PRKN: variants seen among roughly 807,000 people sequenced by gnomAD.
PRKN encodes the protein E3 ubiquitin-protein ligase parkin.
In PRKN, 56 loss-of-function variants were observed where a neutral mutation model predicts 59.5. The ratio of observed to expected loss-of-function variants is 0.94; its 90% confidence interval spans 0.76 to 1.18. The LOEUF is 1.18. Among genes scored for constraint, PRKN ranks in the 50% most tolerant of loss-of-function variants. The pLI is 0.00. For synonymous variants in PRKN, 250 were observed against 222.1 expected (o/e 1.13, Z -1.12); for missense variants, 657 against 596.4 (o/e 1.10, Z -1.06).
chr6:162,149,843 AATGATACTG>A (rs1782189059), intron 4 of PRKN, among the ~76,000 whole-genome samples: 1 of 152,194 alleles, frequency 6.6e-6, no homozygotes, highest in Non-Finnish European at 1.5e-5. Flanking sequence ...GTCTTCAGGA[AATGATACTG>A]ATGAAGCAAG....
intron 7 of PRKN, among the ~76,000 whole-genome samples, chr6:161,747,742 G>A (rs1384781772): frequency 6.6e-6 from 1 of 152,120 alleles, no homozygotes; most frequent in East Asian, 1.9e-4. Flanking sequence ...GTGTTAGCAG[G>A]GGATTGAGGA....
Position 162,054,119 on chromosome 6 carries a change from T to C in PRKN, c.590A>G (p.Gln197Arg), listed in dbSNP as rs1777760674. Residue 197 changes from glutamine (Q) to arginine (R), a missense_variant, in exon 5 of 12, where the codon CAA (glutamine) becomes CGA (arginine). Gln to Arg is a conservative substitution (Grantham distance 43). Transcript: ENST00000366898. ...ACTAGTCCCAGGGCAGTGTGGGGAT[T>C]GGCATTCACCACTCATCCGGTTTGG... The part of the protein sequence containing the change: ...LIPNRMSGEC[Q>R]SPHCPGTSAE... The C allele has an allele frequency of 6.2e-7, 1 of 1,613,322 alleles. No homozygotes were observed. The highest frequency in any genetic ancestry group is 1.3e-5 in the African/African-American group (1 of 75,014).
intron 7 of PRKN, among the ~76,000 whole-genome samples, chr6:161,746,847 T>A (rs1421976522): frequency 6.7e-6 from 1 of 149,428 alleles, no homozygotes; most frequent in Non-Finnish European, 1.5e-5. Context: ...TATATCTATA[T>A]GTATGTATCT....
intron 6 of PRKN, among the ~76,000 whole-genome samples, chr6:161,915,304 T>C (rs1778513343): frequency 6.6e-6 from 1 of 152,058 alleles, no homozygotes; most frequent in African/African-American, 2.4e-5. Context: ...TAAAATAAGA[T>C]GTTCTTTTCA....
intron 7 of PRKN, among the ~76,000 whole-genome samples, chr6:161,730,930 T>A (rs539160179): frequency 2.0e-4 from 31 of 152,318 alleles, no homozygotes; most frequent in African/African-American, 7.2e-4. Context: ...CATTCTGACG[T>A]GTTGCATTCT....
chr6:162,180,196 C>A (rs1029406095), intron 4 of PRKN, among the ~76,000 whole-genome samples: 1 of 152,094 alleles, frequency 6.6e-6, no homozygotes, highest in South Asian at 2.1e-4. Flanking sequence ...TTACTATGAT[C>A]AGCCTGTTTT....
At chr6:161,735,018 CA>C (rs111861396) in intron 7 of PRKN, among the ~76,000 whole-genome samples, 6,500 of 97,756 alleles carry the variant, frequency 0.066, 148 homozygotes, top group African/African-American at 0.12. Context: ...TATAAACAAG[CA>C]AAAAAAAAAA....
intron 1 of PRKN, among the ~76,000 whole-genome samples, chr6:162,534,633 A>G (rs1306938473): frequency 6.6e-6 from 1 of 152,168 alleles, no homozygotes; most frequent in Non-Finnish European, 1.5e-5. Flanking sequence ...TAGTCTACAC[A>G]TACATTTATA....
At chr6:162,377,680 C>T (rs1786191585) in intron 2 of PRKN, among the ~76,000 whole-genome samples, 1 of 152,170 alleles carries the variant, frequency 6.6e-6, no homozygotes, top group South Asian at 2.1e-4. Flanking sequence ...ACAGAAGGGG[C>T]TGCCAGCACT....
intron 6 of PRKN, among the ~76,000 whole-genome samples, chr6:161,839,708 G>A (rs745918363): frequency 1.3e-5 from 2 of 152,106 alleles, no homozygotes; most frequent in Non-Finnish European, 2.9e-5. Flanking sequence ...AAGCCTTCTG[G>A]GATTCAGAGG....
At position 161,491,620 on chromosome 6, in the gene PRKN, A is replaced by C. The variant is rs1489327280; in HGVS notation, c.1083+57234T>G. On this transcript the variant is annotated intron_variant, in intron 9 of 11. Transcript: ENST00000366898. ...ATTTGCTCCTGGAACTTTGTACGGG[A>C]AAGTGACTTAACTTCCTTTTTTTTT... Among the ~76,000 whole-genome samples, 3 of 148,094 alleles carry C rather than the reference A, an allele frequency of 2.0e-5. No homozygotes were observed. In the East Asian group the frequency reaches 6.0e-4, roughly 30 times the overall value.
At chr6:162,659,355 G>A (rs1778794105) in intron 1 of PRKN, among the ~76,000 whole-genome samples, 1 of 151,816 alleles carries the variant, frequency 6.6e-6, no homozygotes, top group Non-Finnish European at 1.5e-5. Flanking sequence ...TTTCTATATT[G>A]CCTCTGAAAA....
chr6:161,619,837 A>G (rs1782827415), intron 7 of PRKN, among the ~76,000 whole-genome samples: 2 of 152,146 alleles, frequency 1.3e-5, no homozygotes, highest in African/African-American at 4.8e-5. Context: ...GTATCTCAAT[A>G]ATTTTTACAT....
intron 7 of PRKN, among the ~76,000 whole-genome samples, chr6:161,723,211 G>C (rs1787299078): frequency 6.6e-6 from 1 of 151,632 alleles, no homozygotes; most frequent in Admixed American, 6.6e-5. Flanking sequence ...AGAGTTTGCA[G>C]TGAGCCGAGA....
intron 6 of PRKN, among the ~76,000 whole-genome samples, chr6:161,917,406 G>A (rs898448771): frequency 1.3e-5 from 2 of 151,882 alleles, no homozygotes; most frequent in African/African-American, 2.4e-5. Context: ...GCACCCGGCC[G>A]ATTTTTTCAT....
chr6:162,649,670 A>G (rs1468180207), intron 1 of PRKN, among the ~76,000 whole-genome samples: 4 of 152,142 alleles, frequency 2.6e-5, no homozygotes, highest in African/African-American at 9.7e-5. Flanking sequence ...AAAAAAAAAA[A>G]GTATTAAACT....
At position 162,383,987 on chromosome 6, in the gene PRKN, A is replaced by G. The variant is rs529855482; in HGVS notation, c.171+59323T>C. 5.3e-5 allele frequency among the ~76,000 whole-genome samples: 8 copies of G among 152,324 alleles called. No individual in the cohort carries two copies. In the East Asian group the frequency reaches 1.4e-3, roughly 26 times the overall value. On this transcript the variant is annotated intron_variant, in intron 2 of 11. Transcript: ENST00000366898. The stretch of plus-strand genomic sequence containing the variant: ...CACCTCTCTCAGCCTTCATGATATT[A>G]AAAAGAGTTAGACCCTTGTCTGAAT...
chr6:162,403,128 A>C (rs1249870698), intron 2 of PRKN, among the ~76,000 whole-genome samples: 3 of 152,090 alleles, frequency 2.0e-5, no homozygotes, highest in African/African-American at 7.2e-5. Context: ...ACTTCTTCTC[A>C]ACATTGGTTT....
At chr6:161,716,257 G>T in intron 7 of PRKN, 2 of 482,074 alleles carry the variant, frequency 4.1e-6, no homozygotes, top group African/African-American at 2.0e-5. Flanking sequence ...TGCTGATAAA[G>T]AATTCAGAAA....
Sources: allele counts gnomAD v4.1 joint callset (sites outside exome capture counted in the v4.1 genomes callset), GRCh38; gene constraint gnomAD v4.1.1; transcripts MANE v1.5; gene names NCBI Gene and HGNC (gene_info 2026-07-23, HGNC 2026-07-21).